The following ALDH1A2 variants were observed in gnomAD, a reference collection of about 807,000 sequenced individuals.
The protein encoded by ALDH1A2 is retinal dehydrogenase 2.
A neutral mutation model predicts 60.3 loss-of-function variants in ALDH1A2; 27 were observed. That is an observed-to-expected ratio of 0.45 (90% CI 0.33 to 0.62). The LOEUF (loss-of-function observed/expected upper bound fraction) is 0.62. ALDH1A2 is among the 20% of genes least tolerant of loss of function. ALDH1A2 has a pLI of 0.02. For missense variants in ALDH1A2, 581 were observed against 643.8 expected, an observed-to-expected ratio of 0.90 and a Z score of 1.06; for synonymous variants, 289 against 232.4, an observed-to-expected ratio of 1.24 and a Z score of -2.21.
intron 7 of ALDH1A2, among the ~76,000 whole-genome samples, chr15:57,971,377 T>C (rs1307827970): frequency 1.3e-5 from 2 of 152,208 alleles, no homozygotes; most frequent in African/African-American, 2.4e-5. Flanking sequence ...ATTGTGCTTG[T>C]TTAATAGCTG....
chr15:57,964,659 T>G (rs1244347849), intron 8 of ALDH1A2: 1 of 153,396 alleles, frequency 6.5e-6, no homozygotes, highest in African/African-American at 2.4e-5. Flanking sequence ...TGGGTCTTCT[T>G]TGAAGACACT....
intron 7 of ALDH1A2, among the ~76,000 whole-genome samples, chr15:57,976,371 C>T (rs1399441338): frequency 1.3e-5 from 2 of 152,154 alleles, no homozygotes; most frequent in South Asian, 2.1e-4. Context: ...TGGTTTGCTG[C>T]ACCCATCAAC....
At chr15:57,976,233 G>C (rs1392914205) in intron 7 of ALDH1A2, among the ~76,000 whole-genome samples, 1 of 152,200 alleles carries the variant, frequency 6.6e-6, no homozygotes, top group Non-Finnish European at 1.5e-5. Flanking sequence ...CTAGGCCACA[G>C]CAAGAAATCA....
chr15:58,022,939 C>T (rs1428880201), intron 1 of ALDH1A2, among the ~76,000 whole-genome samples: 1 of 152,156 alleles, frequency 6.6e-6, no homozygotes, highest in Admixed American at 6.5e-5. Flanking sequence ...ATAAGGACAA[C>T]ATGAAAAAGC....
At chr15:57,993,820 C>G (rs1894969286) in intron 5 of ALDH1A2, among the ~76,000 whole-genome samples, 1 of 152,180 alleles carries the variant, frequency 6.6e-6, no homozygotes, top group African/African-American at 2.4e-5. Context: ...AAACAGAAAT[C>G]CTCATCCCCT....
intron 7 of ALDH1A2, among the ~76,000 whole-genome samples, chr15:57,976,718 T>A (rs574030065): frequency 6.6e-6 from 1 of 152,232 alleles, no homozygotes; most frequent in African/African-American, 2.4e-5. Flanking sequence ...AGTGCTGCAA[T>A]AAACATACAA....
chr15:57,978,758 C>T (rs952545315), intron 7 of ALDH1A2, among the ~76,000 whole-genome samples: 5 of 152,082 alleles, frequency 3.3e-5, no homozygotes, highest in Admixed American at 6.5e-5. Context: ...ACTAAGGGGC[C>T]GGGCACGGTG....
At chr15:57,994,513 A>G (rs963672219) in intron 5 of ALDH1A2, among the ~76,000 whole-genome samples, 1 of 152,194 alleles carries the variant, frequency 6.6e-6, no homozygotes, top group Admixed American at 6.5e-5. Flanking sequence ...AGACAGGAAC[A>G]AAGGGACAAT....
intron 12 of ALDH1A2, among the ~76,000 whole-genome samples, chr15:57,959,854 A>G (rs1893663699): frequency 6.6e-6 from 1 of 151,972 alleles, no homozygotes; most frequent in African/African-American, 2.4e-5. Context: ...GAAGTATGTA[A>G]ATCCTCTGCT....
At chr15:58,043,362 T>C (rs1896563944) in intron 1 of ALDH1A2, among the ~76,000 whole-genome samples, 1 of 152,000 alleles carries the variant, frequency 6.6e-6, no homozygotes, top group Non-Finnish European at 1.5e-5. Context: ...TGAGTTCTAA[T>C]ATTCTGTACA....
At chr15:58,031,640 T>C (rs1237647884) in intron 1 of ALDH1A2, among the ~76,000 whole-genome samples, 1 of 152,002 alleles carries the variant, frequency 6.6e-6, no homozygotes, top group African/African-American at 2.4e-5. Context: ...ATATCCAGAA[T>C]CTACAAAGAA....
At chr15:58,022,057 G>A (rs1199538918) in intron 1 of ALDH1A2, among the ~76,000 whole-genome samples, 1 of 152,212 alleles carries the variant, frequency 6.6e-6, no homozygotes, top group African/African-American at 2.4e-5. Flanking sequence ...TCCAGTGGCA[G>A]GGCCTCAATG....
chr15:57,966,381 T>A (rs1198120736), intron 7 of ALDH1A2, among the ~76,000 whole-genome samples: 1 of 152,234 alleles, frequency 6.6e-6, no homozygotes, highest in Non-Finnish European at 1.5e-5. Context: ...ATCTTGTAAA[T>A]GCCGTTTATC....
chr15:57,999,577 T>C lies in ALDH1A2; in HGVS notation c.494-4438A>G, dbSNP rs573173158. Among the ~76,000 whole-genome samples the C allele has an allele frequency of 9.2e-4, 140 of 152,002 alleles. 1 individual carries two copies. The highest frequency in any genetic ancestry group is 5.2e-3 in the South Asian group (25 of 4,806). On this transcript the variant is annotated intron_variant, in intron 4 of 12. Coordinates refer to ENST00000249750, the MANE Select transcript of ALDH1A2 (RefSeq NM_003888.4). Reference sequence around the variant, plus strand: ...AGGTGTGGAAAAATAGGAACACTGTTCCTATTTCCCACTTTGTTTACATTC... The same window carrying C: ...AGGTGTGGAAAAATAGGAACACTGTCCCTATTTCCCACTTTGTTTACATTC...
intron 12 of ALDH1A2, among the ~76,000 whole-genome samples, chr15:57,958,678 G>A (rs1310815219): frequency 6.6e-6 from 1 of 152,144 alleles, no homozygotes; most frequent in Non-Finnish European, 1.5e-5. Context: ...TGTAGACGGA[G>A]GATTAAGTGG....
chr15:58,053,314 C>G (rs1341465697), intron 1 of ALDH1A2, among the ~76,000 whole-genome samples: 1 of 152,102 alleles, frequency 6.6e-6, no homozygotes, highest in Non-Finnish European at 1.5e-5. Flanking sequence ...AATTGTAAAA[C>G]TAAAATTGGT....
At chr15:58,047,942 G>GT (rs1416728564) in intron 1 of ALDH1A2, among the ~76,000 whole-genome samples, 1 of 152,036 alleles carries the variant, frequency 6.6e-6, no homozygotes, top group Non-Finnish European at 1.5e-5. Flanking sequence ...TTCAGTAAGT[G>GT]TAATATTTTA....
chr15:57,973,853 T>G (rs1331636875), intron 7 of ALDH1A2, among the ~76,000 whole-genome samples: 2 of 152,316 alleles, frequency 1.3e-5, no homozygotes, highest in Non-Finnish European at 1.5e-5. Flanking sequence ...AGCTGAAAAC[T>G]TGCTCTATTC....
At chr15:57,989,563 A>G (rs1894823746) in intron 7 of ALDH1A2, among the ~76,000 whole-genome samples, 1 of 152,018 alleles carries the variant, frequency 6.6e-6, no homozygotes, top group Non-Finnish European at 1.5e-5. Flanking sequence ...GAACAGAAAA[A>G]ATTATGAGCT....
Sources: allele counts gnomAD v4.1 joint callset (sites outside exome capture counted in the v4.1 genomes callset), GRCh38; gene constraint gnomAD v4.1.1; transcripts MANE v1.5; gene names NCBI Gene and HGNC (gene_info 2026-07-23, HGNC 2026-07-21).